L3MBTL1: variants seen among roughly 807,000 people sequenced by gnomAD.
The protein encoded by L3MBTL1 is lethal(3)malignant brain tumor-like protein 1.
L3MBTL1 carries 75 observed loss-of-function variants against 105.3 expected under a neutral mutation model. The observed-to-expected ratio is 0.71, with a 90% confidence interval of 0.59 to 0.86. The LOEUF is 0.86. Among genes scored for constraint, L3MBTL1 ranks in the 40% least tolerant of loss-of-function variants. The pLI is 0.00. For missense variants in L3MBTL1, 1,069 were observed against 1,126.4 expected, an observed-to-expected ratio of 0.95 and a Z score of 0.73; for synonymous variants, 452 against 436.2, an observed-to-expected ratio of 1.04 and a Z score of -0.45.
exon 19 of L3MBTL1, chr20:43,548,396 C>A: frequency 1.6e-6 from 1 of 635,538 alleles, no homozygotes; most frequent in Non-Finnish European, 2.3e-6. Flanking sequence ...TGCATGGGAG[C>A]TGAGGAGCCC....
At chr20:43,538,334 T>G (rs2019735221) in intron 19 of L3MBTL1, among the ~76,000 whole-genome samples, 1 of 152,184 alleles carries the variant, frequency 6.6e-6, no homozygotes, top group Admixed American at 6.5e-5. Flanking sequence ...GCTACATCTT[T>G]CCAGAGGCTG....
At chr20:43,530,497 T>A (rs2019276536) in intron 10 of L3MBTL1, 78 bp downstream of exon 10, 1 of 1,494,242 alleles carries the variant, frequency 6.7e-7, no homozygotes, top group Non-Finnish European at 9.1e-7. Flanking sequence ...GTCCCCGGCT[T>A]CCAGCTCTTT....
intron 7 of L3MBTL1, among the ~76,000 whole-genome samples, chr20:43,527,685 G>A (rs1163629266): frequency 1.3e-5 from 2 of 150,880 alleles, no homozygotes; most frequent in African/African-American, 4.9e-5. Context: ...GTAAGTCTCT[G>A]TAAGTGTTCA....
Position 43,532,808 on chromosome 20 carries a change from G to C in L3MBTL1, c.1320G>C (p.Lys440Asn), listed in dbSNP as rs199592665. Residue 440 changes from lysine to asparagine, a missense_variant, in exon 12 of 22, where the codon AAG becomes AAC. By Grantham distance (94) the Lys-to-Asn change is moderately conservative (BLOSUM62 0). Transcript: ENST00000418998. ...CCCTGGGCTTCCAGGTGGGCATGAA[G>C]CTGGAGGCTGTTGACCGCATGAACC... ...PPPLGFQVGM[K>N]LEAVDRMNPS... 1 of 1,614,214 alleles carries C rather than the reference G, an allele frequency of 6.2e-7. No homozygotes were observed. Among genetic ancestry groups the C allele is most frequent in the Non-Finnish European group, 8.5e-7 (1 of 1,180,026 alleles).
intron 7 of L3MBTL1, among the ~76,000 whole-genome samples, chr20:43,518,556 A>G (rs1217053800): frequency 6.6e-6 from 1 of 152,126 alleles, no homozygotes; most frequent in African/African-American, 2.4e-5. Context: ...TTAGTCGTTA[A>G]TAGATATTCT....
At chr20:43,517,263 T>C (rs1252543078) in intron 7 of L3MBTL1, among the ~76,000 whole-genome samples, 2 of 152,104 alleles carry the variant, frequency 1.3e-5, no homozygotes, top group African/African-American at 4.8e-5. Flanking sequence ...CACATGTGGC[T>C]AATTTTTGTG....
rs1307241855 is a variant in L3MBTL1 at position 43,513,996 on chromosome 20, A to G, written c.295A>G (p.Thr99Ala). The change falls in exon 3 of 22, where the codon ACC becomes GCC. Residue 99 changes from threonine (T) to alanine (A), a missense_variant. By Grantham distance (58) the Thr-to-Ala change is moderately conservative. Coordinates refer to ENST00000418998, the MANE Select transcript of L3MBTL1 (RefSeq NM_001377303.1). Reference protein sequence around the residue: ...QLSAGPASSSTSTVRLLEWTE... With the variant: ...QLSAGPASSSASTVRLLEWTE... The stretch of plus-strand genomic sequence containing the variant: ...TAGCGCCGGGCCGGCCAGCTCCAGC[A>G]CCAGCACAGTGCGGCTTCTGGAATG... The G allele has an allele frequency of 6.5e-7, 1 of 1,543,762 alleles. No homozygotes were observed. Among genetic ancestry groups the G allele is most frequent in the Non-Finnish European group, 8.7e-7 (1 of 1,146,860 alleles).
chr20:43,532,981 G>A, intron 12 of L3MBTL1, 57 bp downstream of exon 12: 1 of 1,570,322 alleles, frequency 6.4e-7, no homozygotes. Flanking sequence ...GGGGGCAACT[G>A]CTTTCATATC....
rs201310287 is a variant in L3MBTL1 at position 43,515,036 on chromosome 20, A to T, written c.530A>T (p.Asp177Val). The change falls in exon 5 of 22, where the codon GAT becomes GTT. Residue 177 changes from aspartate to valine, a missense_variant. Transcript: ENST00000418998. ...AEDHPQNPPE[D>V]PNQDPPEDDS... ...GACCACCCCCAGAATCCTCCAGAAG[A>T]TCCCAATCAGGACCCCCCAGAGGAT... 1.5e-5 allele frequency: 24 copies of T among 1,614,022 alleles called. No individual in the cohort carries two copies. In the African/African-American group the frequency reaches 2.9e-4, roughly 20 times the overall value.
At position 43,508,342 on chromosome 20, in the gene L3MBTL1, C is replaced by T. The variant is rs1316700431; in HGVS notation, c.-29+598C>T. On this transcript the variant is annotated intron_variant, in intron 1 of 21. Coordinates refer to ENST00000418998, the MANE Select transcript of L3MBTL1 (RefSeq NM_001377303.1). ...CAGTCCCGGGAGGCTGGTGGCGGGT[C>T]CCGATCCTGGAACCCTGCGCTCAGG... is the stretch of plus-strand genomic sequence containing the variant. Among the ~76,000 whole-genome samples, 4 of 152,156 alleles carry T rather than the reference C, an allele frequency of 2.6e-5. No homozygotes were observed. The East Asian group carries it at 7.7e-4, about 29-fold the overall frequency.
chr20:43,523,456 A>G (rs1462165999), intron 7 of L3MBTL1: 2 of 234,866 alleles, frequency 8.5e-6, no homozygotes, highest in Non-Finnish European at 1.8e-5. Flanking sequence ...ACCCCCAGAG[A>G]GGAATAGCAT....
In L3MBTL1 at chr20:43,535,951, C is replaced by T. The variant is rs1470799714; in HGVS notation, c.1925+15C>T. 6.2e-7 allele frequency: 1 copy of T among 1,606,532 alleles called. No individual in the cohort carries two copies. Among genetic ancestry groups the T allele is most frequent in the East Asian group, 2.2e-5 (1 of 44,842 alleles). ...TTTCACCACCGGTGAGTGAAGGTTC[C>T]TGGTGAGAGACCCTCAGCGTTGTTT... On this transcript the variant is annotated intron_variant, in intron 17 of 21. Transcript: ENST00000418998.
intron 2 of L3MBTL1, 60 bp downstream of exon 2, chr20:43,513,699 A>G (rs1476080171): frequency 7.7e-6 from 12 of 1,548,450 alleles, no homozygotes; most frequent in Non-Finnish European, 8.7e-6. Context: ...TGCTCAAGCA[A>G]GTGTGGATCC....
intron 12 of L3MBTL1, 80 bp from the exon 13 acceptor site, chr20:43,533,262 C>G (rs2145462751): frequency 7.6e-7 from 1 of 1,310,286 alleles, no homozygotes; most frequent in Non-Finnish European, 1.1e-6. Flanking sequence ...TGAGGGTGGG[C>G]CCTGAGCCAT....
At position 43,522,570 on chromosome 20, in the gene L3MBTL1, T is replaced by C. The variant is rs578261276; in HGVS notation, c.863-6087T>C. Among the ~76,000 whole-genome samples the C allele has an allele frequency of 2.5e-4, 34 of 134,304 alleles. 1 individual carries two copies. Among genetic ancestry groups the C allele is most frequent in the Non-Finnish European group, 4.9e-4 (32 of 64,754 alleles). The allele number at this position is 134,304 out of a possible 152,430, so 88.1% of individuals were successfully genotyped here. ...CACTGTGACCCCCGCCTTGCAAGAC[T>C]CAAGCCATCCTCCCTCCTTAGCCTT... is the stretch of plus-strand genomic sequence containing the variant. On this transcript the variant is annotated intron_variant, in intron 7 of 21. Coordinates refer to ENST00000418998, the MANE Select transcript of L3MBTL1 (RefSeq NM_001377303.1).
chr20:43,511,044 G>T (rs940919918), intron 1 of L3MBTL1, among the ~76,000 whole-genome samples: 21 of 151,778 alleles, frequency 1.4e-4, no homozygotes, highest in South Asian at 1.0e-3. Context: ...TTTTTGTTTT[G>T]GTTTTGGTTT....
intron 16 of L3MBTL1, among the ~76,000 whole-genome samples, chr20:43,535,256 C>T (rs534627434): frequency 1.3e-5 from 2 of 152,280 alleles, no homozygotes; most frequent in African/African-American, 4.8e-5. Flanking sequence ...CCACACTGAG[C>T]GTGCACTGTT....
At chr20:43,539,933 C>G in intron 19 of L3MBTL1, 1 of 633,736 alleles carries the variant, frequency 1.6e-6, no homozygotes, top group Non-Finnish European at 2.9e-6. Context: ...AATAGCTGAC[C>G]TGAGAGTCTT....
rs115741311 is a variant in L3MBTL1, at chr20:43,526,735, G to A, written c.863-1922G>A. Among the ~76,000 whole-genome samples, 732 of 152,320 alleles carry A rather than the reference G, an allele frequency of 4.8e-3. 2 individuals are homozygous for A. Among genetic ancestry groups the A allele is most frequent in the African/African-American group, 0.017 (701 of 41,586 alleles). On this transcript the variant is annotated intron_variant, in intron 7 of 21. Coordinates refer to ENST00000418998, the MANE Select transcript of L3MBTL1 (RefSeq NM_001377303.1). ...AGCACTTTGGGAGGCCAAGGCAGGCGGATCACCTGAGGTCAGGAGTTACTG... is the reference window on the plus strand; with the variant it reads ...AGCACTTTGGGAGGCCAAGGCAGGCAGATCACCTGAGGTCAGGAGTTACTG...
Sources: allele counts gnomAD v4.1 joint callset (sites outside exome capture counted in the v4.1 genomes callset), GRCh38; gene constraint gnomAD v4.1.1; transcripts MANE v1.5; gene names NCBI Gene and HGNC (gene_info 2026-07-23, HGNC 2026-07-21).